ERBB4: variants seen among roughly 807,000 people sequenced by gnomAD.
ERBB4 encodes receptor tyrosine-protein kinase erbB-4.
A neutral mutation model predicts 158.0 loss-of-function variants in ERBB4; 42 were observed. The observed-to-expected ratio is 0.27, with a 90% confidence interval of 0.21 to 0.34. The LOEUF (loss-of-function observed/expected upper bound fraction) is 0.34. Among genes scored for constraint, ERBB4 ranks in the 10% least tolerant of loss-of-function variants. The pLI is 1.00. For missense variants in ERBB4, 1,333 were observed against 1,624.1 expected, an observed-to-expected ratio of 0.82 and a Z score of 3.08; for synonymous variants, 583 against 558.7, an observed-to-expected ratio of 1.04 and a Z score of -0.61.
chr2:212,188,184 G>GGCTCTCTCTCTCTCTCTC (rs2082071739), intron 1 of ERBB4, among the ~76,000 whole-genome samples: 1 of 20,490 alleles, frequency 4.9e-5, no homozygotes, highest in Admixed American at 7.3e-4. Context: ...ATACCTTCAG[G>GGCTCTCTCTCTCTCTCTC]TCTCTCTCTC....
In ERBB4 at chr2:211,377,024, A is replaced by G. The variant is rs537044443; in HGVS notation, c.*6591T>C. 2.4e-4 allele frequency: 57 copies of G among 233,096 alleles called. No homozygotes were observed. The highest frequency in any genetic ancestry group is 1.1e-3 in the African/African-American group (49 of 45,404). The allele number at this position is 233,096 out of a possible 1,614,324, so 14.4% of individuals were successfully genotyped here. A position where few individuals can be genotyped will look rare whatever the true frequency, so the allele number is the denominator to read the frequency against. On this transcript the variant is annotated 3_prime_UTR_variant, in exon 28 of 28. Transcript: ENST00000342788. Reference sequence around the variant, plus strand: ...ACCTTACTTTAAAAGAACACCTTACATATCTACATTTAGAAAATAACTTTC... The same window carrying G: ...ACCTTACTTTAAAAGAACACCTTACGTATCTACATTTAGAAAATAACTTTC...
chr2:212,208,965 C>T (rs1268454728), intron 1 of ERBB4, among the ~76,000 whole-genome samples: 1 of 152,124 alleles, frequency 6.6e-6, no homozygotes, highest in African/African-American at 2.4e-5. Flanking sequence ...GAAAAATGCT[C>T]TCCCGATTTA....
intron 1 of ERBB4, among the ~76,000 whole-genome samples, chr2:212,428,325 A>C (rs1056379944): frequency 1.3e-5 from 2 of 152,144 alleles, no homozygotes; most frequent in Non-Finnish European, 2.9e-5. Flanking sequence ...TGTAAATATT[A>C]TGTTTTTCTT....
At chr2:211,913,493 TAGG>T (rs1260362912) in intron 3 of ERBB4, among the ~76,000 whole-genome samples, 2 of 151,558 alleles carry the variant, frequency 1.3e-5, no homozygotes, top group Non-Finnish European at 2.9e-5. Flanking sequence ...CCCAGCTACA[TAGG>T]AGGCTGAAGC....
intron 16 of ERBB4, among the ~76,000 whole-genome samples, chr2:211,650,294 A>G (rs949290920): frequency 6.6e-6 from 1 of 152,082 alleles, no homozygotes; most frequent in Non-Finnish European, 1.5e-5. Context: ...AAACTGAAAC[A>G]ATGTTTTAAT....
chr2:211,457,280 A>T (rs1358403442), intron 20 of ERBB4, among the ~76,000 whole-genome samples: 3 of 152,222 alleles, frequency 2.0e-5, no homozygotes, highest in Non-Finnish European at 4.4e-5. Flanking sequence ...TTATCTATTT[A>T]AAAATAATTA....
chr2:211,514,597 T>A (rs1463033685), intron 20 of ERBB4, among the ~76,000 whole-genome samples: 12 of 152,144 alleles, frequency 7.9e-5, no homozygotes, highest in Non-Finnish European at 8.8e-5. Flanking sequence ...ACACATCTCA[T>A]ATGTCCTAGG....
Position 212,535,006 on chromosome 2 carries a change from G to C in ERBB4, c.82+3443C>G, listed in dbSNP as rs574932090. Among the ~76,000 whole-genome samples the C allele has an allele frequency of 5.3e-5, 8 of 150,266 alleles. No individual in the cohort carries two copies. In the South Asian group the frequency reaches 1.2e-3, roughly 23 times the overall value. ...GACTAAATGAAAATATATATATAAA[G>C]CAGTAAGTGCCTTGATTTTCAACAA... On this transcript the variant is annotated intron_variant, in intron 1 of 27. Transcript: ENST00000342788.
At position 212,109,879 on chromosome 2, in the gene ERBB4, G is replaced by T. The variant is rs543018777; in HGVS notation, c.234+14873C>A. 3.1e-4 allele frequency among the ~76,000 whole-genome samples: 47 copies of T among 152,230 alleles called. No homozygotes were observed. The South Asian group carries it at 9.5e-3, about 31-fold the overall frequency. On this transcript the variant is annotated intron_variant, in intron 2 of 27. Transcript: ENST00000342788. The stretch of plus-strand genomic sequence containing the variant: ...AGGATAGCATAAATTCTACAATGAA[G>T]ATGCAGAGGGTATGAATTGAGCTTA...
In ERBB4 at chr2:212,497,293, C is replaced by T. The variant is rs574801409; in HGVS notation, c.82+41156G>A. Among the ~76,000 whole-genome samples, 6 of 151,606 alleles carry T rather than the reference C, an allele frequency of 4.0e-5. No individual in the cohort carries two copies. The East Asian group carries it at 1.2e-3, about 29-fold the overall frequency. Reference sequence around the variant, plus strand: ...TTATTTAATTATGTTTATTTTGAAACAGGCTCTCACTCTGTTGCCCAGGTT... The same window carrying T: ...TTATTTAATTATGTTTATTTTGAAATAGGCTCTCACTCTGTTGCCCAGGTT... On this transcript the variant is annotated intron_variant, in intron 1 of 27. Transcript: ENST00000342788.
At chr2:212,054,898 G>A (rs1290527721) in intron 2 of ERBB4, among the ~76,000 whole-genome samples, 1 of 152,172 alleles carries the variant, frequency 6.6e-6, no homozygotes, top group African/African-American at 2.4e-5. Context: ...GGTGATTTCT[G>A]CATTTCCAAA....
chr2:211,821,740 A>G (rs2105943863), intron 3 of ERBB4, among the ~76,000 whole-genome samples: 1 of 152,100 alleles, frequency 6.6e-6, no homozygotes, highest in East Asian at 1.9e-4. Flanking sequence ...AAAGCTGCTA[A>G]AAATACACAT....
chr2:211,662,354 C>T (rs1467699207), intron 15 of ERBB4, among the ~76,000 whole-genome samples: 2 of 152,054 alleles, frequency 1.3e-5, no homozygotes, highest in Non-Finnish European at 1.5e-5. Context: ...TTCTATCTTG[C>T]TAATTTCAAA....
At chr2:211,986,332 C>G (rs1215870990) in intron 2 of ERBB4, among the ~76,000 whole-genome samples, 3 of 152,120 alleles carry the variant, frequency 2.0e-5, no homozygotes, top group South Asian at 4.1e-4. Context: ...AATATACTAT[C>G]CAATCATTTT....
In ERBB4 at chr2:211,589,604, A is replaced by G. The variant is rs11904199; in HGVS notation, c.2302-27516T>C. Among the ~76,000 whole-genome samples, 641 of 152,286 alleles carry G rather than the reference A, an allele frequency of 4.2e-3. 4 individuals are homozygous for G. Among genetic ancestry groups the G allele is most frequent in the African/African-American group, 0.015 (614 of 41,566 alleles). On this transcript the variant is annotated intron_variant, in intron 19 of 27. Transcript: ENST00000342788. Reference sequence around the variant, plus strand: ...GTTCCAACTTTTAATTTCCAGGAGCAGAAACCTGATTAAGTATTGATAATA... The same window carrying G: ...GTTCCAACTTTTAATTTCCAGGAGCGGAAACCTGATTAAGTATTGATAATA...
At chr2:211,937,710 GAACT>G (rs1383126487) in intron 3 of ERBB4, among the ~76,000 whole-genome samples, 1 of 152,014 alleles carries the variant, frequency 6.6e-6, no homozygotes, top group Non-Finnish European at 1.5e-5. Context: ...GCTCTTGTGA[GAACT>G]AACTCACTAT....
At chr2:212,034,604 A>G (rs998096697) in intron 2 of ERBB4, among the ~76,000 whole-genome samples, 1 of 152,182 alleles carries the variant, frequency 6.6e-6, no homozygotes, top group Admixed American at 6.6e-5. Context: ...AGAAATAGAT[A>G]ATGGGAGTAC....
chr2:212,143,626 T>A (rs2080558576), intron 1 of ERBB4, among the ~76,000 whole-genome samples: 1 of 152,240 alleles, frequency 6.6e-6, no homozygotes, highest in African/African-American at 2.4e-5. Flanking sequence ...AAAAACAGAT[T>A]GATTAAGTTT....
intron 5 of ERBB4, among the ~76,000 whole-genome samples, chr2:211,738,361 GTTTTTTTTTTTTTT>G (rs10535592): frequency 1.5e-5 from 2 of 135,342 alleles, no homozygotes; most frequent in East Asian, 4.7e-4. Context: ...CTTTGTTTTT[GTTTTTTTTTTTTTT>G]TTTTTTTTTT....
Sources: gnomAD v4.1 joint callset for allele counts (sites outside exome capture counted in the v4.1 genomes callset) on GRCh38, gnomAD v4.1.1 for gene constraint, MANE v1.5 for transcripts, NCBI Gene and HGNC (gene_info 2026-07-23, HGNC 2026-07-21) for gene names.